Variants in CACNA1B observed in about 807,000 individuals in gnomAD.
CACNA1B encodes the protein voltage-dependent N-type calcium channel subunit alpha-1B.
Under a neutral mutation model 247.2 loss-of-function variants are expected in CACNA1B, and 70 were observed. The observed-to-expected ratio is 0.28, with a 90% confidence interval of 0.23 to 0.35. CACNA1B has a LOEUF of 0.35. Among genes scored for constraint, CACNA1B ranks in the 10% least tolerant of loss-of-function variants. The probability of loss-of-function intolerance (pLI) is 1.00; values close to 1 mark genes in which losing one functional copy is unlikely to be tolerated. For synonymous variants in CACNA1B, 1,231 were observed against 1,294.4 expected (o/e 0.95, Z 1.05); for missense variants, 2,367 against 3,197.4 (o/e 0.74, Z 6.26).
chr9:137,975,900 C>T lies in CACNA1B; in HGVS notation c.1544-7C>T. ...AGCTAATCCCCCTCTTCTCCGGCTT[C>T]TCCTAGATTTTGCAGAGTTTGTTTT... On this transcript the variant is annotated splice_region_variant and splice_polypyrimidine_tract_variant and intron_variant, in intron 11 of 46. Transcript: ENST00000371372. 6.3e-7 allele frequency: 1 copy of T among 1,576,420 alleles called. No homozygotes were observed. The highest frequency in any genetic ancestry group is 1.1e-5 in the South Asian group (1 of 89,874).
At chr9:137,923,900 A>G (rs903736525) in intron 6 of CACNA1B, among the ~76,000 whole-genome samples, 4 of 152,200 alleles carry the variant, frequency 2.6e-5, no homozygotes, top group African/African-American at 9.7e-5. Flanking sequence ...AGTGGTGTTG[A>G]GCATCTTTCT....
intron 26 of CACNA1B, among the ~76,000 whole-genome samples, chr9:138,055,266 A>G (rs1044151098): frequency 4.6e-5 from 7 of 151,922 alleles, no homozygotes; most frequent in African/African-American, 1.7e-4. Context: ...AGCTTAGACA[A>G]CTACAGGCAC....
At position 137,981,569 on chromosome 9, in the gene CACNA1B, C is replaced by T. The variant is rs554752349; in HGVS notation, c.1657-2569C>T. 3.6e-3 allele frequency among the ~76,000 whole-genome samples: 552 copies of T among 152,220 alleles called. 2 individuals are homozygous for T. Among genetic ancestry groups the T allele is most frequent in the African/African-American group, 0.01 (435 of 41,526 alleles). On this transcript the variant is annotated intron_variant, in intron 12 of 46. Coordinates refer to ENST00000371372, the MANE Select transcript of CACNA1B (RefSeq NM_000718.4). Reference sequence around the variant, plus strand: ...TCGGCTCACTGCAACCTCTGCCTCCCGGGTTCAAGCAATTTTCCTGCCTCA... The same window carrying T: ...TCGGCTCACTGCAACCTCTGCCTCCTGGGTTCAAGCAATTTTCCTGCCTCA...
Position 138,034,079 on chromosome 9 carries a change from C to T in CACNA1B, c.3286+8907C>T, listed in dbSNP as rs115330886. On this transcript the variant is annotated intron_variant, in intron 20 of 46. Coordinates refer to ENST00000371372, the MANE Select transcript of CACNA1B (RefSeq NM_000718.4). ...CCCACTAGGCTTCCATTCATACCGG[C>T]CTGACTGGGAGAGATAGGAGTATCT... Among the ~76,000 whole-genome samples, 713 of 152,280 alleles carry T rather than the reference C, an allele frequency of 4.7e-3. 8 individuals carry two copies. The highest frequency in any genetic ancestry group is 0.015 in the African/African-American group (630 of 41,538).
chr9:137,894,499 C>T (rs1299105627), intron 3 of CACNA1B, among the ~76,000 whole-genome samples: 3 of 151,846 alleles, frequency 2.0e-5, no homozygotes, highest in Admixed American at 2.0e-4. Flanking sequence ...ACTGCAAGCC[C>T]CTGGGTTCAC....
In CACNA1B at chr9:138,122,303, T is replaced by C; in HGVS notation, c.*304T>C. The C allele has an allele frequency of 2.3e-6, 1 of 429,378 alleles. No homozygotes were observed. Among genetic ancestry groups the C allele is most frequent in the Non-Finnish European group, 4.2e-6 (1 of 237,260 alleles). 26.6% of individuals were successfully genotyped at this position (429,378 alleles called of 1,614,324 possible). A position where few individuals can be genotyped will look rare whatever the true frequency, so the allele number is the denominator to read the frequency against. On this transcript the variant is annotated 3_prime_UTR_variant, in exon 47 of 47. Transcript: ENST00000371372. ...AGGACCCAGGAGTCCAAATCCCGTG[T>C]CCTGGGACTCAGCATCCAGCATGGG... is the stretch of plus-strand genomic sequence containing the variant.
rs199821801 is a variant in CACNA1B, at chr9:138,078,304, G to A, written c.5094+46G>A. On this transcript the variant is annotated intron_variant, in intron 36 of 46. Transcript: ENST00000371372. ...CCCTCCCAGTGCCACGTCTTGTCTC[G>A]GTACAGCTCAGGCTTCTCCCACATC... 85 of 1,593,434 alleles carry A rather than the reference G, an allele frequency of 5.3e-5. No homozygotes were observed. In the Admixed American group the frequency reaches 5.9e-4, roughly 11 times the overall value.
At chr9:138,062,438 A>C (rs546549990) in intron 31 of CACNA1B, among the ~76,000 whole-genome samples, 5 of 152,274 alleles carry the variant, frequency 3.3e-5, no homozygotes, top group South Asian at 4.2e-4. Flanking sequence ...ATTGGGCCAC[A>C]TGTTGTGTGC....
chr9:137,987,093 A>G (rs886751722), intron 15 of CACNA1B, among the ~76,000 whole-genome samples: 2 of 152,242 alleles, frequency 1.3e-5, no homozygotes, highest in Admixed American at 1.3e-4. Context: ...GCAGCACTGT[A>G]GGGAGCAAGT....
intron 3 of CACNA1B, among the ~76,000 whole-genome samples, chr9:137,904,247 G>T (rs1457522298): frequency 6.6e-6 from 1 of 152,050 alleles, no homozygotes; most frequent in African/African-American, 2.4e-5. Context: ...AAAACCCAGA[G>T]TGCTGGGCCC....
chr9:138,047,219 G>C (rs1378588379), intron 22 of CACNA1B, among the ~76,000 whole-genome samples, 180 bp from the exon 23 acceptor site: 2 of 152,210 alleles, frequency 1.3e-5, no homozygotes, highest in Non-Finnish European at 2.9e-5. Context: ...GGGTGCGGCA[G>C]AGGGGGCCTG....
In CACNA1B at chr9:138,121,798, G is replaced by C. The variant is rs767002363; in HGVS notation, c.6819G>C (p.Leu2273=). 1.2e-6 allele frequency: 2 copies of C among 1,613,274 alleles called. No individual in the cohort carries two copies. The highest frequency in any genetic ancestry group is 1.7e-6 in the Non-Finnish European group (2 of 1,179,842). The change falls in exon 47 of 47, where the codon CTG becomes CTC. Residue 2273 remains leucine, a synonymous_variant. Coordinates refer to ENST00000371372, the MANE Select transcript of CACNA1B (RefSeq NM_000718.4). This position sits in a 1 kb window ranked among gnomAD's most constrained non-coding sequence, Gnocchi z 6.8. The part of the protein sequence containing the change: ...RLDSEASVHA[L]PEDTLTFEEA... ...ACAGTGAGGCCTCTGTCCACGCCCT[G>C]CCTGAGGACACTCTCACTTTCGAGG...
intron 31 of CACNA1B, among the ~76,000 whole-genome samples, chr9:138,066,450 AAGAGAG>A (rs141235335): frequency 6.6e-6 from 1 of 150,450 alleles, no homozygotes; most frequent in Non-Finnish European, 1.5e-5. Context: ...CTAAAAAAAT[AAGAGAG>A]AGAGAGAGAG....
At chr9:138,015,903 C>T (rs890516947) in intron 18 of CACNA1B, among the ~76,000 whole-genome samples, 5 of 152,142 alleles carry the variant, frequency 3.3e-5, no homozygotes, top group Non-Finnish European at 5.9e-5. Flanking sequence ...TGGCAGCCTG[C>T]AGAGTCACAC....
intron 24 of CACNA1B, chr9:138,049,960 C>A: frequency 1.6e-6 from 1 of 628,894 alleles, no homozygotes; most frequent in Non-Finnish European, 2.6e-6. Flanking sequence ...ACAAGGAAGA[C>A]CCCTAGTGGA....
At chr9:138,097,800 G>A (rs1434081941) in intron 37 of CACNA1B, among the ~76,000 whole-genome samples, 3 of 152,240 alleles carry the variant, frequency 2.0e-5, no homozygotes, top group Non-Finnish European at 4.4e-5. Context: ...TGCCCACAGA[G>A]CTCCTGGGTT....
intron 15 of CACNA1B, among the ~76,000 whole-genome samples, chr9:137,997,759 C>G (rs945969854): frequency 6.6e-6 from 1 of 152,178 alleles, no homozygotes; most frequent in East Asian, 1.9e-4. Context: ...TTCATTATAT[C>G]CCATCCACTG....
rs151253528 is a variant in CACNA1B, at chr9:138,111,736, CCT to C, written c.5429-660_5429-659del. 7.5e-3 allele frequency among the ~76,000 whole-genome samples: 1,145 copies of C among 152,248 alleles called. 12 individuals are homozygous for C. The highest frequency in any genetic ancestry group is 0.026 in the African/African-American group (1,083 of 41,514). On this transcript the variant is annotated intron_variant, in intron 39 of 46. Transcript: ENST00000371372. Reference sequence around the variant, plus strand: ...GCCTTCCCTAACCCTCCTGCCCACCCCTCCATCCACCCTGCCCCGAGGCCTCC... The same window carrying C: ...GCCTTCCCTAACCCTCCTGCCCACCCCCATCCACCCTGCCCCGAGGCCTCC...
chr9:137,983,765 T>A (rs1439555286), intron 12 of CACNA1B, among the ~76,000 whole-genome samples: 1 of 151,682 alleles, frequency 6.6e-6, no homozygotes, highest in Non-Finnish European at 1.5e-5. Context: ...TCCAGAGGTG[T>A]TGAAGAAGAC....
Sources: gnomAD v4.1 joint callset for allele counts (sites outside exome capture counted in the v4.1 genomes callset) on GRCh38, gnomAD v4.1.1 for gene constraint, Gnocchi (gnomAD v3.1) non-coding constraint, MANE v1.5 for transcripts, NCBI Gene and HGNC (gene_info 2026-07-23, HGNC 2026-07-21) for gene names.